Variants in LRRC7 observed in about 807,000 individuals in gnomAD.
LRRC7 encodes the protein leucine rich repeat containing 7.
A neutral mutation model predicts 175.7 loss-of-function variants in LRRC7; 23 were observed. The observed-to-expected ratio is 0.13, with a 90% CI of 0.09 to 0.19. The LOEUF (loss-of-function observed/expected upper bound fraction) is 0.19, where lower values mean the gene tolerates loss of function less well. LRRC7 is among the 10% of genes least tolerant of loss of function. The pLI, the probability that LRRC7 is intolerant of heterozygous loss-of-function variation, is 1.00. For synonymous variants in LRRC7, 685 were observed against 680.9 expected, an observed-to-expected ratio of 1.01 and a Z score of -0.09; for missense variants, 1,354 against 1,904.7, an observed-to-expected ratio of 0.71 and a Z score of 5.38.
intron 7 of LRRC7, chr1:69,920,056 T>G: frequency 2.9e-6 from 1 of 340,214 alleles, no homozygotes; most frequent in Admixed American, 4.6e-5. Context: ...GACTCTCCAT[T>G]AAGGAGTTGA....
At position 70,134,289 on chromosome 1, in the gene LRRC7, C is replaced by T. The variant is rs140159832; in HGVS notation, c.*12402C>T. Among the ~76,000 whole-genome samples the T allele has an allele frequency of 2.0e-5, 3 of 152,338 alleles. No homozygotes were observed. Among genetic ancestry groups the T allele is most frequent in the South Asian group, 4.1e-4 (2 of 4,830 alleles). ...GGTGCTGAAGGCAGAGAACCCCTGG[C>T]GGCCTTGGTGACATGTGTCCTCAAG... On this transcript the variant is annotated 3_prime_UTR_variant, in exon 27 of 27. Transcript: ENST00000651989.
intron 7 of LRRC7, among the ~76,000 whole-genome samples, chr1:69,915,810 G>T (rs1398968789): frequency 6.6e-6 from 1 of 151,470 alleles, no homozygotes; most frequent in Non-Finnish European, 1.5e-5. Flanking sequence ...TATTTATCAT[G>T]TGTCAGGCAC....
rs376159077 is a variant in LRRC7 at position 69,634,258 on chromosome 1, G to A, written c.3-44123G>A. ...TTTGTTAAGGTCACAAGAGTAAAAC[G>A]TGAAAGAGCCATGAAGTGTTCCTAA... On this transcript the variant is annotated intron_variant, in intron 1 of 26. Transcript: ENST00000651989. Among the ~76,000 whole-genome samples the A allele has an allele frequency of 2.3e-4, 35 of 152,160 alleles. No homozygotes were observed. The South Asian group carries it at 6.6e-3, about 29-fold the overall frequency.
At chr1:69,967,127 A>ACCAGC (rs541779343) in intron 8 of LRRC7, among the ~76,000 whole-genome samples, 125 of 152,270 alleles carry the variant, frequency 8.2e-4, no homozygotes, top group Middle Eastern at 3.4e-3. Flanking sequence ...TGGGAGTGAG[A>ACCAGC]CCAGCCGTTT....
chr1:70,079,523 TTTAG>T (rs1418335224), intron 24 of LRRC7, among the ~76,000 whole-genome samples: 1 of 152,228 alleles, frequency 6.6e-6, no homozygotes, highest in Admixed American at 6.5e-5. Context: ...GCTTGGAAAC[TTTAG>T]TTAAACAGTA....
chr1:69,838,820 A>G (rs1434254862), intron 7 of LRRC7, among the ~76,000 whole-genome samples: 11 of 151,992 alleles, frequency 7.2e-5, no homozygotes, highest in Non-Finnish European at 1.5e-5. Flanking sequence ...AATATAGGAT[A>G]TATTTTAAAG....
chr1:69,912,041 C>T (rs138555883), intron 7 of LRRC7, among the ~76,000 whole-genome samples: 75 of 152,026 alleles, frequency 4.9e-4, no homozygotes, highest in African/African-American at 1.8e-3. Context: ...TTAAAGCATA[C>T]AGGAGGATGT....
intron 4 of LRRC7, among the ~76,000 whole-genome samples, chr1:69,806,580 C>T (rs1677140805): frequency 6.6e-6 from 1 of 151,934 alleles, no homozygotes; most frequent in East Asian, 1.9e-4. Flanking sequence ...TCTGAAATCT[C>T]CCTATAATCT....
At chr1:69,712,995 C>A (rs1305624639) in intron 2 of LRRC7, among the ~76,000 whole-genome samples, 1 of 152,222 alleles carries the variant, frequency 6.6e-6, no homozygotes, top group Non-Finnish European at 1.5e-5. Flanking sequence ...GCGAATCTCC[C>A]TGAACGTGGA....
intron 10 of LRRC7, among the ~76,000 whole-genome samples, chr1:69,987,126 A>G (rs1427521281): frequency 6.6e-6 from 1 of 152,168 alleles, no homozygotes; most frequent in Non-Finnish European, 1.5e-5. Context: ...CTGTAGTCCC[A>G]GCTACTCGGG....
intron 2 of LRRC7, among the ~76,000 whole-genome samples, chr1:69,729,763 C>T (rs927825203): frequency 1.3e-5 from 2 of 152,212 alleles, no homozygotes; most frequent in African/African-American, 4.8e-5. Context: ...CAGTGGCCCA[C>T]TTCTCACAGC....
intron 4 of LRRC7, among the ~76,000 whole-genome samples, chr1:69,801,505 A>G (rs1676487813): frequency 6.6e-6 from 1 of 151,674 alleles, no homozygotes; most frequent in South Asian, 2.1e-4. Context: ...GTGAGCAAAG[A>G]CTTATTCATG....
At chr1:69,688,901 A>G (rs1661511504) in intron 2 of LRRC7, among the ~76,000 whole-genome samples, 1 of 152,124 alleles carries the variant, frequency 6.6e-6, no homozygotes, top group Non-Finnish European at 1.5e-5. Flanking sequence ...ACTATATCTC[A>G]TATTTTGCAT....
At chr1:70,000,038 AT>A (rs1172579043) in intron 11 of LRRC7, among the ~76,000 whole-genome samples, 1 of 152,140 alleles carries the variant, frequency 6.6e-6, no homozygotes, top group African/African-American at 2.4e-5. Flanking sequence ...AGTACTTTCA[AT>A]TCCCACCCTA....
At chr1:69,758,715 T>C (rs536008958) in intron 2 of LRRC7, among the ~76,000 whole-genome samples, 1 of 152,068 alleles carries the variant, frequency 6.6e-6, no homozygotes, top group South Asian at 2.1e-4. Flanking sequence ...AGTGGCCATG[T>C]TTGCGCAGTG....
intron 22 of LRRC7, among the ~76,000 whole-genome samples, chr1:70,052,360 T>G (rs1470679570): frequency 2.0e-5 from 3 of 152,018 alleles, no homozygotes; most frequent in Non-Finnish European, 2.9e-5. Context: ...ATGACGAGTT[T>G]AAATTTTAAT....
At chr1:69,859,986 T>G (rs1557821437) in intron 7 of LRRC7, among the ~76,000 whole-genome samples, 1 of 152,064 alleles carries the variant, frequency 6.6e-6, no homozygotes, top group Non-Finnish European at 1.5e-5. Flanking sequence ...TACAGCCAAC[T>G]TACGATCTCA....
Position 70,139,542 on chromosome 1 carries a change from T to C in LRRC7, c.*17655T>C, listed in dbSNP as rs928671769. 2 of 152,222 alleles carry C rather than the reference T, an allele frequency of 1.3e-5. No individual in the cohort carries two copies. Among genetic ancestry groups the C allele is most frequent in the African/African-American group, 4.8e-5 (2 of 41,454 alleles). The allele number at this position is 152,222 out of a possible 1,614,324, so 9.4% of individuals were successfully genotyped here. ...CTACCCATTGCCCAGGTGGACGTTA[T>C]GTTTTTAGTTTTTCCTTTGTGGGTG... On this transcript the variant is annotated 3_prime_UTR_variant, in exon 27 of 27. Coordinates refer to ENST00000651989, the MANE Select transcript of LRRC7 (RefSeq NM_001370785.2).
intron 3 of LRRC7, among the ~76,000 whole-genome samples, chr1:69,789,957 T>C (rs920061861): frequency 1.3e-5 from 2 of 152,168 alleles, no homozygotes; most frequent in Middle Eastern, 3.4e-3. Flanking sequence ...TTTCATCAAA[T>C]ATTCAAGGCC....
Sources: gnomAD v4.1 joint callset for allele counts (sites outside exome capture counted in the v4.1 genomes callset) on GRCh38, gnomAD v4.1.1 for gene constraint, MANE v1.5 for transcripts, NCBI Gene and HGNC (gene_info 2026-07-23, HGNC 2026-07-21) for gene names.